CNPY2: variants seen among roughly 807,000 people sequenced by gnomAD.
The protein encoded by CNPY2 is canopy FGF signaling regulator 2, also known as protein canopy homolog 2.
CNPY2 carries 19 observed loss-of-function variants against 25.5 expected under a neutral mutation model. The observed-to-expected ratio is 0.74, with a 90% CI of 0.52 to 1.09. CNPY2 has a LOEUF of 1.09. Ranked by LOEUF, CNPY2 falls within the 50% of genes least tolerant of loss-of-function variation. The probability of loss-of-function intolerance (pLI) is 0.00; values close to 1 mark genes in which losing one functional copy is unlikely to be tolerated. For synonymous variants in CNPY2, 82 were observed against 85.0 expected (o/e 0.96, Z 0.19); for missense variants, 214 against 233.6 (o/e 0.92, Z 0.55).
At chr12:56,312,121 G>A (rs558222328) in intron 3 of CNPY2, among the ~76,000 whole-genome samples, 22 of 151,928 alleles carry the variant, frequency 1.4e-4, no homozygotes, top group South Asian at 8.3e-4. Flanking sequence ...CTAGTGATCC[G>A]CCCACCTTGG....
At chr12:56,316,203 C>A (rs1873947601), upstream of CNPY2, 1 of 152,620 alleles carries the variant, frequency 6.6e-6, no homozygotes. Context: ...AGGGGTCAGC[C>A]GTAGAATAGG....
At chr12:56,315,630 G>C (rs1017607337) in intron 1 of CNPY2, 191 bp downstream of exon 1, 1 of 205,130 alleles carries the variant, frequency 4.9e-6, no homozygotes, top group Non-Finnish European at 1.0e-5. Flanking sequence ...CAGGCCAGGA[G>C]GCCAGCGAGG....
At position 56,312,222 on chromosome 12, in the gene CNPY2, C is replaced by CTT. The variant is rs56822059; in HGVS notation, c.205-810_205-809dup. On this transcript the variant is annotated intron_variant, in intron 3 of 5. Transcript: ENST00000273308. ...TTTACTTGATAGTTTCAAAGTACTT[C>CTT]TTTTTTTTTTTTTTTTTTTTTTTTT... Among the ~76,000 whole-genome samples, 964 of 135,736 alleles carry CTT rather than the reference C, an allele frequency of 7.1e-3. 78 individuals are homozygous for CTT. Among genetic ancestry groups the CTT allele is most frequent in the African/African-American group, 0.029 (930 of 32,596 alleles). The allele number at this position is 135,736 out of a possible 152,430, so 89.0% of individuals were successfully genotyped here. A position where few individuals can be genotyped will look rare whatever the true frequency, so the allele number is the denominator to read the frequency against.
intron 3 of CNPY2, 32 bp from the exon 4 acceptor site, chr12:56,311,446 T>C: frequency 6.3e-7 from 1 of 1,594,082 alleles, no homozygotes. Context: ...GGTCACTCTC[T>C]TCTACCTCTG....
At chr12:56,313,636 C>G in intron 3 of CNPY2, among the ~76,000 whole-genome samples, 1 of 148,250 alleles carries the variant, frequency 6.7e-6, no homozygotes, top group Non-Finnish European at 1.5e-5. Flanking sequence ...AGAGGAGTCT[C>G]GCTGTGTCGC....
chr12:56,310,547 GT>G lies in CNPY2; in HGVS notation c.*4del, dbSNP rs764657775. 2 of 1,614,150 alleles carry G rather than the reference GT, an allele frequency of 1.2e-6. No individual in the cohort carries two copies. The highest frequency in any genetic ancestry group is 2.2e-5 in the South Asian group (2 of 91,080). ...CATCAAGCCAGTGTGGGCTGCTCCA[GT>G]GGTTCATAGCTCATCATGCGATATG... On this transcript the variant is annotated 3_prime_UTR_variant, in exon 6 of 6. Coordinates refer to ENST00000273308, the MANE Select transcript of CNPY2 (RefSeq NM_014255.7).
At chr12:56,311,760 C>T (rs1034098941) in intron 3 of CNPY2, 9 of 352,302 alleles carry the variant, frequency 2.6e-5, no homozygotes, top group African/African-American at 1.7e-4. Flanking sequence ...CTGTGTTGGT[C>T]GGGCTGGTCT....
chr12:56,310,421 AAC>A lies in CNPY2; in HGVS notation c.*129_*130del, dbSNP rs1873683175. 1.1e-6 allele frequency: 1 copy of A among 877,682 alleles called. No individual in the cohort carries two copies. The highest frequency in any genetic ancestry group is 2.6e-5 in the East Asian group (1 of 38,032). 54.4% of individuals were successfully genotyped at this position (877,682 alleles called of 1,614,324 possible). ...AGGGCAATTCCAGGCATGAAAAGAC[AAC>A]ACAGTTTGTACTTTTGGTTTCATAT... is the stretch of plus-strand genomic sequence containing the variant. On this transcript the variant is annotated 3_prime_UTR_variant, in exon 6 of 6. Transcript: ENST00000273308.
intron 3 of CNPY2, among the ~76,000 whole-genome samples, chr12:56,314,055 C>G (rs750955671): frequency 3.9e-5 from 6 of 152,072 alleles, no homozygotes; most frequent in Non-Finnish European, 8.8e-5. Context: ...GCATGAGCCA[C>G]CACGCCTGGC....
At position 56,310,504 on chromosome 12, in the gene CNPY2, C is replaced by G. The variant is rs755646270; in HGVS notation, c.*48G>C. ...ATATAAAAGGCATTGCCACCATTTT[C>G]CCCTCCTGGGGGTGATCCATCAAGC... On this transcript the variant is annotated 3_prime_UTR_variant, in exon 6 of 6. Transcript: ENST00000273308. The G allele has an allele frequency of 1.9e-6, 3 of 1,594,654 alleles. No homozygotes were observed. The Admixed American group carries it at 5.0e-5, about 27-fold the overall frequency.
intron 3 of CNPY2, chr12:56,314,518 TTTA>T: frequency 8.6e-7 from 1 of 1,162,172 alleles, no homozygotes; most frequent in Non-Finnish European, 1.1e-6. Context: ...TTTTTCATTT[TTTA>T]TTTTTAGCTC....
In CNPY2 at chr12:56,311,427, T is replaced by C. The variant is rs768394801; in HGVS notation, c.205-13A>G. On this transcript the variant is annotated splice_polypyrimidine_tract_variant and intron_variant, in intron 3 of 5. Transcript: ENST00000273308. ...GGGCATAAGGCACCTAGAAATGTCC[T>C]CAGCCTTGGGTCACTCTCTTCTACC... 1.2e-6 allele frequency: 2 copies of C among 1,613,886 alleles called. No homozygotes were observed. Among genetic ancestry groups the C allele is most frequent in the Admixed American group, 3.3e-5 (2 of 60,020 alleles).
intron 3 of CNPY2, chr12:56,314,515 T>A (rs1480264620): frequency 1.7e-6 from 2 of 1,158,132 alleles, no homozygotes; most frequent in Non-Finnish European, 2.1e-6. Flanking sequence ...TGTTTTTTCA[T>A]TTTTTATTTT....
At chr12:56,315,276 G>A (rs562014455) in intron 1 of CNPY2, 34 bp from the exon 2 acceptor site, 16 of 1,344,506 alleles carry the variant, frequency 1.2e-5, no homozygotes, top group African/African-American at 8.7e-5. Context: ...ATAAGTGTGA[G>A]GAGCCGACTC....
At chr12:56,313,217 G>A (rs1375133264) in intron 3 of CNPY2, among the ~76,000 whole-genome samples, 10 of 151,968 alleles carry the variant, frequency 6.6e-5, no homozygotes, top group African/African-American at 1.7e-4. Flanking sequence ...TTGGCCGGGC[G>A]TGGTGGCTCA....
Position 56,314,865 on chromosome 12 carries a change from G to A in CNPY2, c.190C>T (p.Gln64Ter). ...GSFRINPDGS[Q>*]SVVEVPYARS... is the part of the protein sequence containing the mutation. ...GTAACAGTTACCTCCACCACTGACT[G>A]GCTGCCATCTGGATTGATCCGGAAA... Residue 64 changes from glutamine to a stop codon, truncating the protein, a stop_gained, in exon 3 of 6, where the codon CAG becomes TAG. Coordinates refer to ENST00000273308, the MANE Select transcript of CNPY2 (RefSeq NM_014255.7). LOFTEE classifies it high-confidence loss of function. 1 of 1,614,208 alleles carries A rather than the reference G, an allele frequency of 6.2e-7. No individual in the cohort carries two copies. Among genetic ancestry groups the A allele is most frequent in the Non-Finnish European group, 8.5e-7 (1 of 1,180,038 alleles).
chr12:56,311,647 G>A (rs1416913415), intron 3 of CNPY2: 1 of 492,754 alleles, frequency 2.0e-6, no homozygotes, highest in Non-Finnish European at 3.8e-6. Context: ...TGCCTCCTGG[G>A]TTCAAGTGAT....
chr12:56,312,999 T>C (rs1873766287), intron 3 of CNPY2: 1 of 152,206 alleles, frequency 6.6e-6, no homozygotes, highest in Non-Finnish European at 1.5e-5. Flanking sequence ...TTTTAAATTA[T>C]AGTTTAAGTT....
At chr12:56,313,793 A>T (rs1329268360) in intron 3 of CNPY2, among the ~76,000 whole-genome samples, 1 of 150,518 alleles carries the variant, frequency 6.6e-6, no homozygotes, top group Admixed American at 6.6e-5. Context: ...TTTTTAGTAG[A>T]GACGGGGTTT....
Sources: allele counts gnomAD v4.1 joint callset (sites outside exome capture counted in the v4.1 genomes callset), GRCh38; gene constraint gnomAD v4.1.1; transcripts MANE v1.5; gene names NCBI Gene and HGNC (gene_info 2026-07-23, HGNC 2026-07-21).